TRPC5: variants seen among roughly 807,000 people sequenced by gnomAD.
TRPC5 encodes short transient receptor potential channel 5.
In TRPC5, 9 loss-of-function variants were observed where a neutral mutation model predicts 56.5. That is an observed-to-expected ratio of 0.16 (90% CI 0.10 to 0.28). TRPC5 has a LOEUF of 0.28. TRPC5 is among the 10% of genes least tolerant of loss of function. TRPC5 has a pLI of 1.00. For synonymous variants in TRPC5, 282 were observed against 278.5 expected (o/e 1.01, Z -0.13); for missense variants, 469 against 748.9 (o/e 0.63, Z 4.36).
At chrX:111,998,435 A>G (rs1003117248) in intron 1 of TRPC5, among the ~76,000 whole-genome samples, 1 of 111,396 alleles carries the variant, frequency 9.0e-6, no homozygotes, top group Non-Finnish European at 1.9e-5. Context: ...ATTCTCTTCC[A>G]GCTATTTAAA....
intron 1 of TRPC5, among the ~76,000 whole-genome samples, chrX:111,965,139 G>C (rs1927523259): frequency 1.9e-5 from 2 of 105,674 alleles, no homozygotes; most frequent in African/African-American, 7.7e-5. Flanking sequence ...GGTCTACCAA[G>C]CAAATGAAAA....
intron 3 of TRPC5, among the ~76,000 whole-genome samples, chrX:111,873,882 G>T (rs1923839449): frequency 9.0e-6 from 1 of 111,508 alleles, no homozygotes; most frequent in Non-Finnish European, 1.9e-5. Context: ...ATGGCCTAAA[G>T]ACATGAATGC....
At chrX:111,920,600 G>GA (rs144817730) in intron 2 of TRPC5, among the ~76,000 whole-genome samples, 21 of 107,355 alleles carry the variant, frequency 2.0e-4, no homozygotes, top group South Asian at 4.1e-4. Context: ...GCTATTCTTT[G>GA]AAAAAAAAAA....
chrX:111,838,926 A>G (rs1922645834), intron 6 of TRPC5, among the ~76,000 whole-genome samples: 1 of 112,138 alleles, frequency 8.9e-6, no homozygotes, highest in African/African-American at 3.2e-5. Flanking sequence ...ATTCAGACCA[A>G]CAAAGAAGAA....
chrX:111,915,341 C>T (rs1311422792), intron 2 of TRPC5, among the ~76,000 whole-genome samples: 1 of 111,787 alleles, frequency 8.9e-6, no homozygotes, highest in Non-Finnish European at 1.9e-5. Context: ...AGAGAGGAAA[C>T]CTTTTAAAAA....
chrX:111,860,323 G>A (rs1192390664), intron 3 of TRPC5, among the ~76,000 whole-genome samples: 1 of 112,446 alleles, frequency 8.9e-6, no homozygotes, highest in East Asian at 2.8e-4. Context: ...GCTAGCTTAA[G>A]ACAAGTTTTC....
At chrX:111,901,497 G>C (rs1191258694) in intron 3 of TRPC5, 2 of 126,307 alleles carry the variant, frequency 1.6e-5, no homozygotes, top group African/African-American at 6.4e-5. Context: ...ATGGATAAAG[G>C]CTCAAAGATA....
intron 3 of TRPC5, among the ~76,000 whole-genome samples, chrX:111,861,658 C>G (rs1923408920): frequency 9.0e-6 from 1 of 110,907 alleles, no homozygotes; most frequent in African/African-American, 3.3e-5. Flanking sequence ...GTAATTTGGG[C>G]AAAGTAGCGC....
intron 1 of TRPC5, among the ~76,000 whole-genome samples, chrX:112,038,879 A>T (rs1929823586): frequency 1.0e-5 from 1 of 99,069 alleles, no homozygotes; most frequent in Admixed American, 1.1e-4. Flanking sequence ...TTTAGTAGAG[A>T]TGGAGTTTCA....
At chrX:111,904,006 A>C (rs1315845593) in intron 3 of TRPC5, 2 of 112,258 alleles carry the variant, frequency 1.8e-5, no homozygotes, top group Admixed American at 1.9e-4. Context: ...GGTCATCTTA[A>C]ATTACCTGGT....
chrX:111,845,468 G>A lies in TRPC5; in HGVS notation c.1700+1646C>T, dbSNP rs969184513. On this transcript the variant is annotated intron_variant, in intron 6 of 10. Transcript: ENST00000262839. The stretch of plus-strand genomic sequence containing the variant: ...AATTGTCCCTGCTAGGCAAGTGATA[G>A]GAGCAAAATGTCAGTTGGCAACAGG... Among the ~76,000 whole-genome samples the A allele has an allele frequency of 1.1e-4, 12 of 111,580 alleles. 2 individuals carry two copies. The highest frequency in any genetic ancestry group is 4.8e-4 in the Admixed American group (5 of 10,494).
chrX:111,860,063 CACGA>C (rs1251046997), intron 3 of TRPC5, among the ~76,000 whole-genome samples: 10,968 of 111,881 alleles, frequency 0.098, 1,253 homozygotes, highest in African/African-American at 0.32. Context: ...CGCCCGCCAC[CACGA>C]CCGGCTAATT....
chrX:111,973,477 C>T (rs916484851), intron 1 of TRPC5, among the ~76,000 whole-genome samples: 2 of 111,493 alleles, frequency 1.8e-5, no homozygotes, highest in Non-Finnish European at 3.8e-5. Context: ...AGTGGTGAAA[C>T]GCTTGCTTTT....
intron 6 of TRPC5, among the ~76,000 whole-genome samples, chrX:111,841,759 G>A (rs916094666): frequency 1.8e-5 from 2 of 111,292 alleles, no homozygotes; most frequent in Non-Finnish European, 3.8e-5. Flanking sequence ...TGCCCAGGCT[G>A]GAGTGCAATG....
At chrX:112,077,756 T>A (rs1409966167) in intron 1 of TRPC5, among the ~76,000 whole-genome samples, 2 of 112,307 alleles carry the variant, frequency 1.8e-5, no homozygotes, top group Non-Finnish European at 3.8e-5. Context: ...TAGGGTGGGA[T>A]TAATGAAAAT....
intron 2 of TRPC5, among the ~76,000 whole-genome samples, chrX:111,940,704 A>G (rs972920784): frequency 9.1e-6 from 1 of 109,910 alleles, no homozygotes; most frequent in Non-Finnish European, 1.9e-5. Flanking sequence ...AAAAAAAAAA[A>G]AAAAAGAATA....
chrX:111,896,903 G>A (rs1260967449), intron 3 of TRPC5, among the ~76,000 whole-genome samples: 1 of 111,636 alleles, frequency 9.0e-6, no homozygotes, highest in Non-Finnish European at 1.9e-5. Flanking sequence ...TTTATTGTGA[G>A]GATTAAATGT....
chrX:111,843,789 A>T (rs1205134477), intron 6 of TRPC5, among the ~76,000 whole-genome samples: 1 of 109,888 alleles, frequency 9.1e-6, no homozygotes, highest in Non-Finnish European at 1.9e-5. Context: ...AGAAGACCAG[A>T]TTGGAGGCAG....
intron 1 of TRPC5, among the ~76,000 whole-genome samples, chrX:112,072,988 G>A (rs1263416772): frequency 1.8e-5 from 2 of 112,088 alleles, no homozygotes; most frequent in East Asian, 2.8e-4. Context: ...ATTTGAAACT[G>A]ATAATTTATA....
Sources: gnomAD v4.1 joint callset for allele counts (sites outside exome capture counted in the v4.1 genomes callset) on GRCh38, gnomAD v4.1.1 for gene constraint, MANE v1.5 for transcripts, NCBI Gene and HGNC (gene_info 2026-07-23, HGNC 2026-07-21) for gene names.